KLF8: variants seen among roughly 807,000 people sequenced by gnomAD.
KLF8 encodes the protein KLF transcription factor 8.
KLF8 carries 10 observed loss-of-function variants against 18.2 expected under a neutral mutation model. That is an observed-to-expected ratio of 0.55 (90% confidence interval 0.34 to 0.93). KLF8 has a LOEUF of 0.93. Among genes scored for constraint, KLF8 ranks in the 40% least tolerant of loss-of-function variants. KLF8 has a pLI of 0.02. For synonymous variants in KLF8, 109 were observed against 97.3 expected, an observed-to-expected ratio of 1.12 and a Z score of -0.71; for missense variants, 264 against 277.9, an observed-to-expected ratio of 0.95 and a Z score of 0.36.
the KLF8 span, among the ~76,000 whole-genome samples, chrX:56,152,791 A>G: frequency 1.8e-5 from 2 of 112,045 alleles, no homozygotes; most frequent in Non-Finnish European, 3.8e-5. Context: ...GATACTGTTT[A>G]CTATGTATTC....
the KLF8 span, among the ~76,000 whole-genome samples, chrX:55,955,006 C>T: frequency 1.8e-5 from 2 of 111,392 alleles, no homozygotes; most frequent in Non-Finnish European, 3.8e-5. Flanking sequence ...ATAGGGAGGA[C>T]TGCAAATGTG....
chrX:56,142,955 C>T, the KLF8 span, among the ~76,000 whole-genome samples: 2 of 111,842 alleles, frequency 1.8e-5, no homozygotes, highest in African/African-American at 3.2e-5. Flanking sequence ...TTTTGCTTGT[C>T]CCTGGCCTAA....
the KLF8 span, among the ~76,000 whole-genome samples, chrX:56,075,180 A>G: frequency 2.7e-5 from 3 of 110,538 alleles, no homozygotes; most frequent in East Asian, 2.8e-4. Context: ...GTATTACTAT[A>G]TATTTCATTC....
rs1307748486 is a variant in KLF8, at chrX:56,290,322, T to C, written c.*5828T>C. 8.9e-6 allele frequency among the ~76,000 whole-genome samples: 1 copy of C among 111,925 alleles called. No homozygotes were observed. Among genetic ancestry groups the C allele is most frequent in the Non-Finnish European group, 1.9e-5 (1 of 53,164 alleles). On this transcript the variant is annotated 3_prime_UTR_variant, in exon 6 of 6. Coordinates refer to ENST00000468660, the MANE Select transcript of KLF8 (RefSeq NM_007250.5). ...TCTTTAAGTGAACAACCAAGTATTA[T>C]AACCATTGTTATAATGATAGTTATA...
chrX:55,978,000 G>T, the KLF8 span, among the ~76,000 whole-genome samples: 3 of 110,268 alleles, frequency 2.7e-5, no homozygotes, highest in Non-Finnish European at 5.7e-5. Context: ...TGATCTGATG[G>T]TTGGAGTGGT....
the KLF8 span, among the ~76,000 whole-genome samples, chrX:56,012,249 C>A: frequency 8.9e-6 from 1 of 111,811 alleles, no homozygotes; most frequent in African/African-American, 3.2e-5. Context: ...AGCAGCACAT[C>A]AAAAAGCCTA....
chrX:56,221,808 G>C, the KLF8 span, among the ~76,000 whole-genome samples: 2 of 111,765 alleles, frequency 1.8e-5, no homozygotes, highest in East Asian at 2.8e-4. Flanking sequence ...AAGAGCAAAA[G>C]AACAAACCTT....
chrX:56,269,855 T>C (rs759959454), intron 4 of KLF8, among the ~76,000 whole-genome samples: 2 of 112,064 alleles, frequency 1.8e-5, no homozygotes, highest in East Asian at 5.6e-4. Context: ...CAACAACTGT[T>C]GTATGAAAAA....
chrX:56,032,097 G>T, the KLF8 span, among the ~76,000 whole-genome samples: 1 of 111,024 alleles, frequency 9.0e-6, no homozygotes, highest in African/African-American at 3.3e-5. Flanking sequence ...GTCTGGTTTT[G>T]GGTCTGGTGC....
At chrX:56,075,847 CATT>C in the KLF8 span, among the ~76,000 whole-genome samples, 1 of 111,978 alleles carries the variant, frequency 8.9e-6, no homozygotes, top group African/African-American at 3.2e-5. Context: ...GACAATGTCT[CATT>C]ATTTTTATGG....
the KLF8 span, among the ~76,000 whole-genome samples, chrX:56,148,696 G>T: frequency 2.7e-5 from 3 of 111,957 alleles, no homozygotes; most frequent in African/African-American, 6.5e-5. Flanking sequence ...AAGCCAAGGG[G>T]TATCTTACAT....
the KLF8 span, among the ~76,000 whole-genome samples, chrX:56,210,319 G>A: frequency 2.7e-5 from 3 of 111,224 alleles, no homozygotes; most frequent in Non-Finnish European, 5.7e-5. Context: ...TGCTATTCTG[G>A]GATAAGTTTA....
At chrX:55,937,501 G>A in the KLF8 span, among the ~76,000 whole-genome samples, 1 of 112,698 alleles carries the variant, frequency 8.9e-6, no homozygotes, top group African/African-American at 3.2e-5. Context: ...CTCCTCACTA[G>A]CAATGGAACA....
the KLF8 span, among the ~76,000 whole-genome samples, chrX:56,018,588 A>T: frequency 1.8e-5 from 2 of 110,990 alleles, no homozygotes; most frequent in African/African-American, 6.5e-5. Flanking sequence ...AGGGAAAAAT[A>T]CACACACACA....
At chrX:56,202,567 C>G in the KLF8 span, among the ~76,000 whole-genome samples, 3 of 95,900 alleles carry the variant, frequency 3.1e-5, no homozygotes, top group African/African-American at 1.1e-4. Flanking sequence ...CTTCCCCCCC[C>G]CTCCCACCTG....
At chrX:56,135,606 C>T in the KLF8 span, among the ~76,000 whole-genome samples, 53 of 109,929 alleles carry the variant, frequency 4.8e-4, no homozygotes, top group African/African-American at 8.9e-4. Flanking sequence ...TGCTAAATGA[C>T]GAGTTAATGG....
the KLF8 span, among the ~76,000 whole-genome samples, chrX:56,136,823 CA>C: frequency 9.1e-6 from 1 of 110,197 alleles, no homozygotes; most frequent in African/African-American, 3.3e-5. Flanking sequence ...AGGCAACCTA[CA>C]AAATGGGAGA....
the KLF8 span, among the ~76,000 whole-genome samples, chrX:55,962,767 G>T: frequency 5.3e-5 from 6 of 112,405 alleles, no homozygotes; most frequent in East Asian, 1.7e-3. Context: ...ATGCAAGAAA[G>T]TCATCACACC....
the KLF8 span, among the ~76,000 whole-genome samples, chrX:55,946,172 C>T: frequency 4.5e-5 from 5 of 111,333 alleles, no homozygotes; most frequent in South Asian, 3.8e-4. Flanking sequence ...GAGCCCACAT[C>T]GCCAAGTCAA....
Sources: allele counts gnomAD v4.1 joint callset (sites outside exome capture counted in the v4.1 genomes callset), GRCh38; gene constraint gnomAD v4.1.1; transcripts MANE v1.5; gene names NCBI Gene and HGNC (gene_info 2026-07-23, HGNC 2026-07-21).